Variants in ZFP2 observed in about 807,000 individuals in gnomAD.
The protein encoded by ZFP2 is ZFP2 zinc finger protein, also known as zinc finger protein ZFP2.
In ZFP2, 33 loss-of-function variants were observed where a neutral mutation model predicts 36.1. The observed-to-expected ratio is 0.92, with a 90% CI of 0.69 to 1.22. The LOEUF is 1.22. ZFP2 is among the 50% of genes most tolerant of loss of function. The probability of loss-of-function intolerance (pLI) is 0.00; values close to 1 mark genes in which losing one functional copy is unlikely to be tolerated. For synonymous variants in ZFP2, 170 were observed against 178.0 expected (o/e 0.96, Z 0.36); for missense variants, 522 against 551.4 (o/e 0.95, Z 0.53).
At position 178,912,881 on chromosome 5, in the gene ZFP2, CT is replaced by C. The variant is rs1471419625; in HGVS notation, c.-313-99del. The C allele has an allele frequency of 1.0e-5, 9 of 890,298 alleles. No individual in the cohort carries two copies. The South Asian group carries it at 3.6e-4, about 36-fold the overall frequency. The allele number at this position is 890,298 out of a possible 1,614,324, so 55.1% of individuals were successfully genotyped here. On this transcript the variant is annotated intron_variant, in intron 2 of 4. Coordinates refer to ENST00000361362, the MANE Select transcript of ZFP2 (RefSeq NM_030613.4). ...GGGGAACTTCATAAGCCACACCTTC[CT>C]TGTTTCAGAAGCCCTGAAGGAGAAA...
chr5:178,910,021 G>A (rs1758257733), intron 1 of ZFP2: 2 of 1,447,736 alleles, frequency 1.4e-6, no homozygotes, highest in Non-Finnish European at 1.9e-6. Flanking sequence ...ATTTGCCGAT[G>A]CAGTGACCAC....
chr5:178,910,037 T>C lies in ZFP2; in HGVS notation c.-449-2547T>C, dbSNP rs1758257882. The C allele has an allele frequency of 2.1e-6, 3 of 1,455,958 alleles. No homozygotes were observed. In the East Asian group the frequency reaches 6.8e-5, roughly 33 times the overall value. The allele number at this position is 1,455,958 out of a possible 1,614,324, so 90.2% of individuals were successfully genotyped here. A position where few individuals can be genotyped will look rare whatever the true frequency, so the allele number is the denominator to read the frequency against. On this transcript the variant is annotated intron_variant, in intron 1 of 4. Transcript: ENST00000361362. ...TTTGCCGATGCAGTGACCACTGCCC[T>C]TCTTCAGAGTCCAGGCCAAACTGAA...
At position 178,928,069 on chromosome 5, in the gene ZFP2, A is replaced by C. The variant is rs561267666; in HGVS notation, c.-77-3168A>C. Among the ~76,000 whole-genome samples, 3 of 152,050 alleles carry C rather than the reference A, an allele frequency of 2.0e-5. No individual in the cohort carries two copies. In the South Asian group the frequency reaches 6.2e-4, roughly 32 times the overall value. On this transcript the variant is annotated intron_variant, in intron 4 of 4. Coordinates refer to ENST00000361362, the MANE Select transcript of ZFP2 (RefSeq NM_030613.4). ...GATCTCATGAGAACTCACTCATGATAGGGAGGACAGTACCAAGAGGGAGGG... is the reference window on the plus strand; with the variant it reads ...GATCTCATGAGAACTCACTCATGATCGGGAGGACAGTACCAAGAGGGAGGG...
intron 1 of ZFP2, among the ~76,000 whole-genome samples, chr5:178,904,642 C>G (rs1215194349): frequency 7.0e-6 from 1 of 141,938 alleles, no homozygotes; most frequent in Non-Finnish European, 1.5e-5. Context: ...TTCCATTGTT[C>G]TATTTCTGTT....
intron 4 of ZFP2, among the ~76,000 whole-genome samples, chr5:178,925,878 T>C (rs1189458198): frequency 6.7e-6 from 1 of 149,148 alleles, no homozygotes; most frequent in African/African-American, 2.4e-5. Context: ...GACAGGATCT[T>C]GCTCTGTCTC....
chr5:178,929,502 A>AT (rs1321201666), intron 4 of ZFP2, among the ~76,000 whole-genome samples: 2 of 152,132 alleles, frequency 1.3e-5, no homozygotes, highest in African/African-American at 2.4e-5. Flanking sequence ...AGTTCCACAG[A>AT]TCCCTAGGGC....
In ZFP2 at chr5:178,932,149, TTAG is replaced by T; in HGVS notation, c.839_841del (p.Ser280del). On this transcript the variant is annotated inframe_deletion, in exon 5 of 5. Transcript: ENST00000361362. The stretch of plus-strand genomic sequence containing the variant: ...GAGTGTAGTCAATGTGGAAAAGCCT[TTAG>T]TAAGAGCTCAACTCTTACCCTACAT... 1 of 1,613,230 alleles carries T rather than the reference TTAG, an allele frequency of 6.2e-7. No individual in the cohort carries two copies. The highest frequency in any genetic ancestry group is 1.3e-5 in the African/African-American group (1 of 74,944).
At chr5:178,909,725 A>G (rs1758248087) in intron 1 of ZFP2, 5 of 1,540,166 alleles carry the variant, frequency 3.2e-6, no homozygotes, top group Middle Eastern at 3.6e-4. Context: ...GCTCCTCAGG[A>G]CACAAGCCCT....
At chr5:178,922,203 G>A in intron 4 of ZFP2, 2 of 1,108,882 alleles carry the variant, frequency 1.8e-6, no homozygotes, top group Non-Finnish European at 2.8e-6. Flanking sequence ...TTGTGCGTCT[G>A]TTCTGGTTTT....
At chr5:178,926,122 C>T (rs1020359695) in intron 4 of ZFP2, among the ~76,000 whole-genome samples, 1 of 128,470 alleles carries the variant, frequency 7.8e-6, no homozygotes, top group Non-Finnish European at 1.9e-5. Context: ...GCTGGGATTA[C>T]AGGCGCGAGC....
intron 4 of ZFP2, among the ~76,000 whole-genome samples, chr5:178,919,036 C>T (rs1383086669): frequency 6.6e-6 from 1 of 152,140 alleles, no homozygotes; most frequent in Non-Finnish European, 1.5e-5. Flanking sequence ...ATCTCAGTGG[C>T]CATATTGGTC....
At chr5:178,904,068 A>T (rs1758117470) in intron 1 of ZFP2, among the ~76,000 whole-genome samples, 1 of 152,140 alleles carries the variant, frequency 6.6e-6, no homozygotes. Flanking sequence ...GTTTTCTATT[A>T]GTTTTATAAT....
At chr5:178,928,931 C>A (rs1411329922) in intron 4 of ZFP2, among the ~76,000 whole-genome samples, 1 of 152,244 alleles carries the variant, frequency 6.6e-6, no homozygotes, top group Non-Finnish European at 1.5e-5. Context: ...TAGAGTTTCC[C>A]AAGCCTTAAC....
At chr5:178,906,105 C>G (rs1758160072) in intron 1 of ZFP2, among the ~76,000 whole-genome samples, 1 of 152,158 alleles carries the variant, frequency 6.6e-6, no homozygotes, top group African/African-American at 2.4e-5. Flanking sequence ...AGCACTTTAC[C>G]AGCCCACAGC....
chr5:178,897,737 T>C (rs1337562821), intron 1 of ZFP2, among the ~76,000 whole-genome samples: 2 of 152,204 alleles, frequency 1.3e-5, no homozygotes, highest in Admixed American at 1.3e-4. Flanking sequence ...TTTTCCCTGT[T>C]CGGCTATAAC....
intron 3 of ZFP2, chr5:178,913,806 C>T (rs1429561363): frequency 2.0e-4 from 30 of 150,124 alleles, no homozygotes; most frequent in Admixed American, 1.2e-3. Context: ...ATGCATTTTA[C>T]ATCTTTATCT....
intron 3 of ZFP2, among the ~76,000 whole-genome samples, chr5:178,916,083 T>C (rs1758424916): frequency 6.6e-6 from 1 of 151,802 alleles, no homozygotes; most frequent in Non-Finnish European, 1.5e-5. Context: ...GACAATAACA[T>C]AGTGAGGGGG....
In ZFP2 at chr5:178,933,059, G is replaced by A. The variant is rs181474267; in HGVS notation, c.*360G>A. ...GGACAGCCCAGAGACCTGGTATGTA[G>A]TCCTAATCTGCCACTGCCTTGGACA... is the stretch of plus-strand genomic sequence containing the variant. On this transcript the variant is annotated 3_prime_UTR_variant, in exon 5 of 5. Transcript: ENST00000361362. 106 of 184,026 alleles carry A rather than the reference G, an allele frequency of 5.8e-4. 1 individual carries two copies. In the East Asian group the frequency reaches 0.017, roughly 29 times the overall value. 11.4% of individuals were successfully genotyped at this position (184,026 alleles called of 1,614,324 possible). A position where few individuals can be genotyped will look rare whatever the true frequency, so the allele number is the denominator to read the frequency against.
intron 4 of ZFP2, among the ~76,000 whole-genome samples, chr5:178,920,599 T>G (rs1758539725): frequency 6.6e-6 from 1 of 151,054 alleles, no homozygotes. Flanking sequence ...ATCGCGCCAC[T>G]GCACTCCAGC....
Sources: allele counts gnomAD v4.1 joint callset (sites outside exome capture counted in the v4.1 genomes callset), GRCh38; gene constraint gnomAD v4.1.1; transcripts MANE v1.5; gene names NCBI Gene and HGNC (gene_info 2026-07-23, HGNC 2026-07-21).